The following MLIP variants were observed in gnomAD, a reference collection of about 807,000 sequenced individuals.
MLIP encodes muscular LMNA-interacting protein.
Under a neutral mutation model 84.8 loss-of-function variants are expected in MLIP, and 79 were observed. The ratio of observed to expected loss-of-function variants is 0.93; its 90% CI spans 0.78 to 1.12. The LOEUF (loss-of-function observed/expected upper bound fraction) is 1.12, where lower values mean the gene tolerates loss of function less well. Among genes scored for constraint, MLIP ranks in the 50% most tolerant of loss-of-function variants. The pLI is 0.00. For missense variants in MLIP, 1,257 were observed against 1,160.6 expected (o/e 1.08, Z -1.21); for synonymous variants, 504 against 463.0 (o/e 1.09, Z -1.14).
intron 1 of MLIP, among the ~76,000 whole-genome samples, chr6:54,116,994 A>T (rs1769977399): frequency 6.6e-6 from 1 of 152,178 alleles, no homozygotes; most frequent in Non-Finnish European, 1.5e-5. Context: ...AAAGACATAA[A>T]ATGTATGATT....
intron 5 of MLIP, among the ~76,000 whole-genome samples, chr6:54,151,084 T>C (rs1489053844): frequency 7.9e-5 from 12 of 152,154 alleles, no homozygotes; most frequent in Non-Finnish European, 1.8e-4. Context: ...AGGGCTAGTG[T>C]AGGTTGTTGT....
chr6:54,083,638 G>A (rs1767306585), intron 1 of MLIP: 6 of 1,535,516 alleles, frequency 3.9e-6, no homozygotes, highest in Non-Finnish European at 5.2e-6. Context: ...GACATTATTA[G>A]TACAATTCCT....
chr6:54,247,959 TG>T (rs1362683390), intron 12 of MLIP, among the ~76,000 whole-genome samples: 2 of 152,112 alleles, frequency 1.3e-5, no homozygotes, highest in African/African-American at 4.8e-5. Context: ...AATTGACATC[TG>T]TTGATATTAC....
intron 4 of MLIP, among the ~76,000 whole-genome samples, chr6:54,141,583 A>G (rs920512398): frequency 2.0e-5 from 3 of 152,216 alleles, no homozygotes; most frequent in Non-Finnish European, 4.4e-5. Context: ...CTGGGATTAC[A>G]GGCGTGAGCC....
intron 1 of MLIP, among the ~76,000 whole-genome samples, chr6:54,072,539 A>G (rs932545694): frequency 3.3e-5 from 5 of 152,210 alleles, no homozygotes; most frequent in African/African-American, 1.2e-4. Flanking sequence ...TCTCTGTTTC[A>G]GAATGACACT....
At chr6:54,198,766 G>A (rs1158289817) in intron 10 of MLIP, among the ~76,000 whole-genome samples, 1 of 152,078 alleles carries the variant, frequency 6.6e-6, no homozygotes, top group East Asian at 1.9e-4. Flanking sequence ...ACAATATTAT[G>A]CTACTTCATG....
chr6:54,254,747 C>CCTTCCTTT (rs1782881517), intron 12 of MLIP, among the ~76,000 whole-genome samples: 1 of 138,924 alleles, frequency 7.2e-6, no homozygotes, highest in Non-Finnish European at 1.6e-5. Context: ...TCCCTCCCTT[C>CCTTCCTTT]CTTCCTTCCT....
chr6:54,024,258 C>CA (rs1763673056), intron 1 of MLIP, among the ~76,000 whole-genome samples: 1 of 152,188 alleles, frequency 6.6e-6, no homozygotes, highest in Non-Finnish European at 1.5e-5. Flanking sequence ...GTAATTCGCC[C>CA]ACCTTAGCCT....
chr6:54,148,587 T>TG (rs764167481), intron 4 of MLIP, among the ~76,000 whole-genome samples: 12 of 152,188 alleles, frequency 7.9e-5, no homozygotes, highest in Non-Finnish European at 1.6e-4. Flanking sequence ...TTATGTATTT[T>TG]GATCTCTGTT....
intron 9 of MLIP, among the ~76,000 whole-genome samples, chr6:54,188,817 G>A (rs1430449745): frequency 2.0e-5 from 3 of 152,104 alleles, no homozygotes; most frequent in Non-Finnish European, 4.4e-5. Context: ...TCTACACCAA[G>A]GCACATCATA....
upstream of MLIP, among the ~76,000 whole-genome samples, chr6:54,108,940 ACTT>A (rs200687483): frequency 0.012 from 1,854 of 152,146 alleles, 45 homozygotes; most frequent in African/African-American, 0.041. Flanking sequence ...CTGGACTGTC[ACTT>A]CTTCTTGGAG....
At chr6:54,223,372 T>C (rs1166897041) in intron 11 of MLIP, among the ~76,000 whole-genome samples, 1 of 152,036 alleles carries the variant, frequency 6.6e-6, no homozygotes, top group Non-Finnish European at 1.5e-5. Context: ...TTCTAGTAGT[T>C]ATACAGTTTT....
chr6:54,081,640 T>A (rs1012660088), intron 1 of MLIP, among the ~76,000 whole-genome samples: 1 of 152,100 alleles, frequency 6.6e-6, no homozygotes, highest in Non-Finnish European at 1.5e-5. Context: ...CTTAAACTCC[T>A]GACCTCAGGT....
Position 54,136,876 on chromosome 6 carries a change from C to A in MLIP, c.807C>A (p.Ala269=). The change falls in exon 4 of 14, where the codon GCC becomes GCA. Residue 269 remains alanine (A), a synonymous_variant. Coordinates refer to ENST00000502396, the MANE Select transcript of MLIP (RefSeq NM_001281747.2). ...FHTRRLDVGG[A]VVEESATYFQ... ...CTAGGAGGCTGGATGTCGGTGGGGC[C>A]GTGGTGGAAGAATCAGCTACGTATT... is the stretch of plus-strand genomic sequence containing the variant. The A allele has an allele frequency of 6.5e-7, 1 of 1,535,494 alleles. No homozygotes were observed. The highest frequency in any genetic ancestry group is 8.7e-7 in the Non-Finnish European group (1 of 1,146,392).
intron 8 of MLIP, among the ~76,000 whole-genome samples, chr6:54,161,221 G>A (rs1774606082): frequency 2.6e-5 from 4 of 151,954 alleles, no homozygotes; most frequent in African/African-American, 4.8e-5. Flanking sequence ...AAAAAATGAA[G>A]TAGACTAAAG....
At chr6:54,205,888 A>G (rs928828474) in intron 11 of MLIP, among the ~76,000 whole-genome samples, 3 of 152,114 alleles carry the variant, frequency 2.0e-5, no homozygotes, top group African/African-American at 4.8e-5. Context: ...TATTGTGCCA[A>G]TTTGTGGTGC....
intron 1 of MLIP, among the ~76,000 whole-genome samples, chr6:54,120,108 T>C (rs1464813562): frequency 6.6e-6 from 1 of 152,226 alleles, no homozygotes; most frequent in Non-Finnish European, 1.5e-5. Flanking sequence ...CAACCTCTCT[T>C]TGTACTTCTC....
chr6:54,223,234 A>T (rs1006499060), intron 11 of MLIP, among the ~76,000 whole-genome samples: 5 of 151,528 alleles, frequency 3.3e-5, no homozygotes, highest in African/African-American at 1.2e-4. Context: ...AGATTTTTTT[A>T]AGTTTGTTGC....
intron 12 of MLIP, among the ~76,000 whole-genome samples, chr6:54,249,945 C>T (rs933420128): frequency 6.6e-6 from 1 of 151,848 alleles, no homozygotes; most frequent in East Asian, 1.9e-4. Context: ...TGTCTTCATC[C>T]TCCCACCCTC....
Sources: allele counts gnomAD v4.1 joint callset (sites outside exome capture counted in the v4.1 genomes callset), GRCh38; gene constraint gnomAD v4.1.1; transcripts MANE v1.5; gene names NCBI Gene and HGNC (gene_info 2026-07-23, HGNC 2026-07-21).